The following PTER variants were observed in gnomAD, a reference collection of about 807,000 sequenced individuals.
The protein encoded by PTER is phosphotriesterase related, also known as N-acetyltaurine hydrolase.
Under a neutral mutation model 29.6 loss-of-function variants are expected in PTER, and 38 were observed. The observed-to-expected ratio is 1.28, with a 90% CI of 0.99 to 1.68. The LOEUF is 1.68. Among genes scored for constraint, PTER ranks in the 40% most tolerant of loss-of-function variants. The probability of loss-of-function intolerance (pLI) is 0.00; values close to 1 mark genes in which losing one functional copy is unlikely to be tolerated. For synonymous variants in PTER, 172 were observed against 154.5 expected (o/e 1.11, Z -0.84); for missense variants, 482 against 427.8 (o/e 1.13, Z -1.12).
At chr10:16,437,806 G>T (rs944886195) in intron 1 of PTER, among the ~76,000 whole-genome samples, 12 of 152,084 alleles carry the variant, frequency 7.9e-5, no homozygotes, top group African/African-American at 2.7e-4. Flanking sequence ...GTTTAGAGGT[G>T]GAGTCTTTCT....
At chr10:16,467,446 T>C (rs1263560869) in intron 1 of PTER, among the ~76,000 whole-genome samples, 1 of 152,102 alleles carries the variant, frequency 6.6e-6, no homozygotes, top group Non-Finnish European at 1.5e-5. Flanking sequence ...AAGGGAAAGT[T>C]AAAAAAACAA....
intron 1 of PTER, among the ~76,000 whole-genome samples, chr10:16,454,355 G>T (rs1834318287): frequency 6.6e-6 from 1 of 152,056 alleles, no homozygotes; most frequent in African/African-American, 2.4e-5. Flanking sequence ...TGGGTGGATT[G>T]CTTGAGGCTA....
chr10:16,439,501 TG>T (rs1325270952), intron 1 of PTER, among the ~76,000 whole-genome samples: 3 of 152,172 alleles, frequency 2.0e-5, no homozygotes, highest in African/African-American at 7.2e-5. Flanking sequence ...AGGATCCCTG[TG>T]ACTATTTTAA....
intron 1 of PTER, among the ~76,000 whole-genome samples, chr10:16,439,105 T>G (rs916471216): frequency 2.0e-5 from 3 of 152,044 alleles, no homozygotes; most frequent in African/African-American, 7.3e-5. Context: ...TGGGTCATAT[T>G]TGCTGCTGAA....
chr10:16,452,171 A>G (rs921349841), intron 1 of PTER, among the ~76,000 whole-genome samples: 5 of 145,546 alleles, frequency 3.4e-5, no homozygotes, highest in South Asian at 4.5e-4. Flanking sequence ...ATCACCTAAA[A>G]TCAGTTTGAA....
intron 1 of PTER, among the ~76,000 whole-genome samples, chr10:16,451,132 A>T (rs1834194180): frequency 6.6e-6 from 1 of 152,140 alleles, no homozygotes; most frequent in East Asian, 1.9e-4. Flanking sequence ...CTTGGAGTCT[A>T]ATGTTTGAGG....
intron 2 of PTER, 99 bp downstream of exon 2, chr10:16,484,915 G>A: frequency 7.5e-7 from 1 of 1,332,804 alleles, no homozygotes; most frequent in Non-Finnish European, 1.0e-6. Flanking sequence ...GCATGCTACG[G>A]AAATTTGCTA....
At chr10:16,497,447 C>T (rs577918630) in intron 3 of PTER, among the ~76,000 whole-genome samples, 7 of 152,264 alleles carry the variant, frequency 4.6e-5, no homozygotes, top group Admixed American at 4.6e-4. Flanking sequence ...CTTTAATTTC[C>T]TTGAGACAGC....
At chr10:16,495,274 G>A (rs1010823244) in intron 3 of PTER, among the ~76,000 whole-genome samples, 24 of 150,938 alleles carry the variant, frequency 1.6e-4, no homozygotes, top group African/African-American at 4.4e-4. Flanking sequence ...AGGTTCAAGC[G>A]ATTCTTGTGC....
rs868477986 is a variant in PTER at position 16,478,747 on chromosome 10, C to T, written c.-48-5590C>T. ...ACAGTCTACACAAAGGCCATCTGCT[C>T]AACCCTGGTGACTTGAGGTTGACTG... On this transcript the variant is annotated intron_variant, in intron 1 of 4. Coordinates refer to ENST00000535784, the MANE Select transcript of PTER (RefSeq NM_001261836.2). Among the ~76,000 whole-genome samples, 5 of 152,292 alleles carry T rather than the reference C, an allele frequency of 3.3e-5. No homozygotes were observed. In the South Asian group the frequency reaches 1.0e-3, roughly 32 times the overall value.
At chr10:16,515,033 T>C (rs901850902), downstream of PTER, among the ~76,000 whole-genome samples, 1 of 152,106 alleles carries the variant, frequency 6.6e-6, no homozygotes, top group Non-Finnish European at 1.5e-5. Flanking sequence ...CTATGCCCAA[T>C]CACATTTTGA....
chr10:16,517,490 G>A (rs895238221), downstream of PTER, among the ~76,000 whole-genome samples: 11 of 152,174 alleles, frequency 7.2e-5, no homozygotes, highest in African/African-American at 2.4e-4. Flanking sequence ...TGGCATTAGA[G>A]TGATTGTATT....
At chr10:16,463,506 T>TC (rs1434641296) in intron 1 of PTER, among the ~76,000 whole-genome samples, 1 of 152,052 alleles carries the variant, frequency 6.6e-6, no homozygotes, top group African/African-American at 2.4e-5. Flanking sequence ...ACCTCTGCCT[T>TC]CCGGGTTCAA....
At chr10:16,447,943 A>G (rs574354102) in intron 1 of PTER, among the ~76,000 whole-genome samples, 9 of 152,154 alleles carry the variant, frequency 5.9e-5, no homozygotes, top group Non-Finnish European at 8.8e-5. Flanking sequence ...TTCGAGCCCA[A>G]TCACTTATAT....
chr10:16,450,575 C>A (rs1386957379), intron 1 of PTER, among the ~76,000 whole-genome samples: 1 of 152,188 alleles, frequency 6.6e-6, no homozygotes, highest in Admixed American at 6.5e-5. Context: ...TGAGACTGAG[C>A]ATCCACCTTT....
intron 3 of PTER, among the ~76,000 whole-genome samples, chr10:16,493,170 AC>A (rs1835963680): frequency 6.6e-6 from 1 of 151,932 alleles, no homozygotes; most frequent in Non-Finnish European, 1.5e-5. Flanking sequence ...TCTGTGAAAA[AC>A]CACAAAAAAT....
rs771906715 is a variant in PTER, at chr10:16,484,689, G to C, written c.305G>C (p.Gly102Ala). The C allele has an allele frequency of 1.9e-6, 3 of 1,614,098 alleles. No homozygotes were observed. Among genetic ancestry groups the C allele is most frequent in the Non-Finnish European group, 1.7e-6 (2 of 1,180,020 alleles). Residue 102 changes from glycine (G) to alanine (A), a missense_variant, in exon 2 of 5, where the codon GGG becomes GCG. By Grantham distance (60) the Gly-to-Ala change is moderately conservative (BLOSUM62 0). Transcript: ENST00000535784. Reference protein sequence around the residue: ...GGALVENTTTGISRDTQTLKR... With the variant: ...GGALVENTTTAISRDTQTLKR... ...GCTTTGGTGGAAAACACAACCACTG[G>C]GATTAGCCGAGACACACAGACGTTG...
chr10:16,517,382 C>T (rs7913889), downstream of PTER, among the ~76,000 whole-genome samples: 30,704 of 152,124 alleles, frequency 0.2, 3,326 homozygotes, highest in Middle Eastern at 0.28. Flanking sequence ...GGTGCCATAA[C>T]TAATAAATTT....
intron 1 of PTER, among the ~76,000 whole-genome samples, chr10:16,457,225 T>C (rs1834435763): frequency 1.3e-5 from 2 of 152,004 alleles, no homozygotes; most frequent in South Asian, 4.2e-4. Flanking sequence ...TGTTTGTTTG[T>C]TTTTTGAGAT....
Sources: gnomAD v4.1 joint callset for allele counts (sites outside exome capture counted in the v4.1 genomes callset) on GRCh38, gnomAD v4.1.1 for gene constraint, MANE v1.5 for transcripts, NCBI Gene and HGNC (gene_info 2026-07-23, HGNC 2026-07-21) for gene names.